MOGAT1: variants seen among roughly 807,000 people sequenced by gnomAD.
The protein encoded by MOGAT1 is 2-acylglycerol O-acyltransferase 1.
In MOGAT1, 32 loss-of-function variants were observed where a neutral mutation model predicts 31.4. The observed-to-expected ratio is 1.02, with a 90% CI of 0.77 to 1.37. The LOEUF (loss-of-function observed/expected upper bound fraction) is 1.37. Among genes scored for constraint, MOGAT1 ranks in the 40% most tolerant of loss-of-function variants. The pLI is 0.00. For missense variants in MOGAT1, 426 were observed against 402.0 expected (o/e 1.06, Z -0.51); for synonymous variants, 145 against 144.5 (o/e 1.00, Z -0.03).
rs1692814037 is a variant in MOGAT1 at position 222,694,556 on chromosome 2, A to T, written c.653+20A>T. Reference sequence around the variant, plus strand: ...CCATGGGTAAGTGGCTTTTTGTATAAAGTAGGGGGTCAGAAAAGTTAAGAC... The same window carrying T: ...CCATGGGTAAGTGGCTTTTTGTATATAGTAGGGGGTCAGAAAAGTTAAGAC... On this transcript the variant is annotated intron_variant, in intron 4 of 5. Coordinates refer to ENST00000446656, the MANE Select transcript of MOGAT1 (RefSeq NM_058165.3). 1.2e-6 allele frequency: 2 copies of T among 1,607,808 alleles called. No homozygotes were observed. The highest frequency in any genetic ancestry group is 2.7e-5 in the African/African-American group (2 of 74,710).
In MOGAT1 at chr2:222,689,484, A is replaced by T; in HGVS notation, c.478+15A>T. The stretch of plus-strand genomic sequence containing the variant: ...GATGAGTGTTGGTAAGTGATGGCAG[A>T]TCACTGTTTCCACAGTGCTTTGGGG... On this transcript the variant is annotated intron_variant, in intron 3 of 5. Coordinates refer to ENST00000446656, the MANE Select transcript of MOGAT1 (RefSeq NM_058165.3). 6.2e-7 allele frequency: 1 copy of T among 1,611,434 alleles called. No individual in the cohort carries two copies. Among genetic ancestry groups the T allele is most frequent in the East Asian group, 2.2e-5 (1 of 44,876 alleles).
chr2:222,703,593 C>G (rs1246056654), intron 5 of MOGAT1, among the ~76,000 whole-genome samples: 2 of 151,862 alleles, frequency 1.3e-5, no homozygotes, highest in African/African-American at 2.4e-5. Context: ...TGTACACAAG[C>G]TGACATTGGG....
intron 1 of MOGAT1, among the ~76,000 whole-genome samples, chr2:222,674,595 C>T (rs192651494): frequency 1.3e-5 from 2 of 152,302 alleles, no homozygotes; most frequent in Admixed American, 1.3e-4. Flanking sequence ...TTTTCCTCCT[C>T]ATCCTCCACC....
chr2:222,685,802 T>C (rs140733649), intron 1 of MOGAT1, among the ~76,000 whole-genome samples: 6,083 of 152,108 alleles, frequency 0.04, 142 homozygotes, highest in African/African-American at 0.059. Context: ...GGTTTCTCCA[T>C]GTTGGCCAGG....
chr2:222,701,299 G>GAGA (rs71053101), intron 5 of MOGAT1, among the ~76,000 whole-genome samples: 4,325 of 90,346 alleles, frequency 0.048, 117 homozygotes, highest in Non-Finnish European at 0.06. Flanking sequence ...AGGAGGAGGA[G>GAGA]GAGAGAGAGA....
intron 1 of MOGAT1, among the ~76,000 whole-genome samples, chr2:222,682,441 C>A (rs1692595634): frequency 6.6e-6 from 1 of 152,168 alleles, no homozygotes; most frequent in Non-Finnish European, 1.5e-5. Context: ...TTTTAAACAG[C>A]CCAAGCCAGT....
At chr2:222,682,476 T>C (rs1430270526) in intron 1 of MOGAT1, among the ~76,000 whole-genome samples, 1 of 152,196 alleles carries the variant, frequency 6.6e-6, no homozygotes, top group Non-Finnish European at 1.5e-5. Flanking sequence ...CCCCCCAACC[T>C]GGACTTGACT....
At chr2:222,696,630 A>G (rs1361280142) in intron 5 of MOGAT1, among the ~76,000 whole-genome samples, 1 of 151,864 alleles carries the variant, frequency 6.6e-6, no homozygotes, top group Admixed American at 6.6e-5. Context: ...GTTCTTGCTG[A>G]TTTATTTGCA....
chr2:222,672,416 C>G lies in MOGAT1; in HGVS notation c.94+537C>G, dbSNP rs368973394. Among the ~76,000 whole-genome samples, 32 of 152,272 alleles carry G rather than the reference C, an allele frequency of 2.1e-4. No homozygotes were observed. The South Asian group carries it at 6.0e-3, about 29-fold the overall frequency. On this transcript the variant is annotated intron_variant, in intron 1 of 5. Coordinates refer to ENST00000446656, the MANE Select transcript of MOGAT1 (RefSeq NM_058165.3). ...CCTTTCTGTAAAGAAGGCTGCACCA[C>G]TCATTGCATTTGGTTGAGCGGTTTC...
At chr2:222,684,223 G>A (rs577007038) in intron 1 of MOGAT1, among the ~76,000 whole-genome samples, 2 of 152,168 alleles carry the variant, frequency 1.3e-5, no homozygotes, top group African/African-American at 4.8e-5. Flanking sequence ...GGCCATCATG[G>A]TGAAACCCTG....
intron 1 of MOGAT1, among the ~76,000 whole-genome samples, chr2:222,678,858 T>C (rs1284437409): frequency 6.6e-6 from 1 of 152,186 alleles, no homozygotes; most frequent in Non-Finnish European, 1.5e-5. Context: ...GGAGAATTGC[T>C]TGAACCCGGG....
chr2:222,696,456 T>C (rs1210843704), intron 5 of MOGAT1, among the ~76,000 whole-genome samples: 1 of 152,220 alleles, frequency 6.6e-6, no homozygotes, highest in African/African-American at 2.4e-5. Flanking sequence ...ATTATGGCCA[T>C]TTTTGCAGGA....
chr2:222,688,315 A>T, intron 1 of MOGAT1, 29 bp from the exon 2 acceptor site: 2 of 1,574,426 alleles, frequency 1.3e-6, no homozygotes, highest in Non-Finnish European at 1.7e-6. Flanking sequence ...TAACAGACTG[A>T]TTCCATGAGA....
At chr2:222,697,105 G>C (rs1297677187) in intron 5 of MOGAT1, among the ~76,000 whole-genome samples, 1 of 152,140 alleles carries the variant, frequency 6.6e-6, no homozygotes, top group Admixed American at 6.5e-5. Flanking sequence ...ATTGGAAGAG[G>C]ATTGGAGAGC....
intron 5 of MOGAT1, among the ~76,000 whole-genome samples, chr2:222,701,588 A>AG (rs1692929335): frequency 2.0e-5 from 2 of 101,374 alleles, no homozygotes; most frequent in African/African-American, 8.2e-5. Context: ...AAGAAAAAGA[A>AG]AGAAAGAAAG....
rs546713980 is a variant in MOGAT1 at position 222,671,734 on chromosome 2, G to C, written c.-52G>C. 1.2e-5 allele frequency: 17 copies of C among 1,465,474 alleles called. No individual in the cohort carries two copies. In the African/African-American group the frequency reaches 2.2e-4, roughly 19 times the overall value. 90.8% of individuals were successfully genotyped at this position (1,465,474 alleles called of 1,614,324 possible). On this transcript the variant is annotated 5_prime_UTR_variant, in exon 1 of 6. Coordinates refer to ENST00000446656, the MANE Select transcript of MOGAT1 (RefSeq NM_058165.3). ...GGGCACTTCCCACAGGCGCCGCAGAGCAGCGTGGGTGCAGGCTGCAGTGGC... is the reference window on the plus strand; with the variant it reads ...GGGCACTTCCCACAGGCGCCGCAGACCAGCGTGGGTGCAGGCTGCAGTGGC...
At chr2:222,690,165 G>A (rs146211430) in intron 3 of MOGAT1, among the ~76,000 whole-genome samples, 2 of 152,308 alleles carry the variant, frequency 1.3e-5, no homozygotes, top group African/African-American at 4.8e-5. Context: ...TGAGGTGGAA[G>A]GATCACCTGA....
chr2:222,690,559 A>AAAAG (rs1468342631), intron 3 of MOGAT1, among the ~76,000 whole-genome samples: 1 of 152,094 alleles, frequency 6.6e-6, no homozygotes, highest in Non-Finnish European at 1.5e-5. Context: ...TCCGTCTCAA[A>AAAAG]AAAGAAAGAA....
chr2:222,702,104 C>T (rs888561075), intron 5 of MOGAT1, among the ~76,000 whole-genome samples: 6 of 152,200 alleles, frequency 3.9e-5, no homozygotes, highest in Non-Finnish European at 8.8e-5. Flanking sequence ...GTGTAAGTAA[C>T]TTGCCAAAAT....
Sources: gnomAD v4.1 joint callset for allele counts (sites outside exome capture counted in the v4.1 genomes callset) on GRCh38, gnomAD v4.1.1 for gene constraint, MANE v1.5 for transcripts, NCBI Gene and HGNC (gene_info 2026-07-23, HGNC 2026-07-21) for gene names.